CALN1: variants seen among roughly 807,000 people sequenced by gnomAD.
The protein encoded by CALN1 is calneuron 1, also known as calcium-binding protein 8.
In CALN1, 17 loss-of-function variants were observed where a neutral mutation model predicts 30.6. That is an observed-to-expected ratio of 0.56 (90% CI 0.38 to 0.83). CALN1 has a LOEUF of 0.83. Among genes scored for constraint, CALN1 ranks in the 40% least tolerant of loss-of-function variants. The probability of loss-of-function intolerance (pLI) is 0.00; values close to 1 mark genes in which losing one functional copy is unlikely to be tolerated. For missense variants in CALN1, 291 were observed against 354.9 expected, an observed-to-expected ratio of 0.82 and a Z score of 1.45; for synonymous variants, 156 against 131.4, an observed-to-expected ratio of 1.19 and a Z score of -1.28.
chr7:72,337,275 CTGG>C (rs1361975348), intron 2 of CALN1: 4 of 985,244 alleles, frequency 4.1e-6, no homozygotes, highest in Non-Finnish European at 4.8e-6. Context: ...AGCCGGGCTT[CTGG>C]GCTCGCCTTG....
chr7:72,372,804 C>G (rs1585605077), intron 2 of CALN1, among the ~76,000 whole-genome samples: 1 of 152,132 alleles, frequency 6.6e-6, no homozygotes, highest in Non-Finnish European at 1.5e-5. Flanking sequence ...TTATCCATGA[C>G]CCTGAATCAC....
chr7:71,831,762 C>A (rs1010916673), intron 5 of CALN1, among the ~76,000 whole-genome samples: 1 of 149,318 alleles, frequency 6.7e-6, no homozygotes, highest in South Asian at 2.1e-4. Flanking sequence ...TGTGGCAGCA[C>A]GCACCTGTAG....
In CALN1 at chr7:71,790,374, AAG is replaced by A. The variant is rs1220554263; in HGVS notation, c.659-2474_659-2473del. Among the ~76,000 whole-genome samples the A allele has an allele frequency of 7.9e-3, 355 of 44,918 alleles. 10 individuals are homozygous for A. The highest frequency in any genetic ancestry group is 0.024 in the African/African-American group (347 of 14,596). 29.5% of individuals were successfully genotyped at this position (44,918 alleles called of 152,430 possible). ...AAGAAAGAAAGAAAGAAAGAAAAGA[AAG>A]AAAGAAAGAAAGAAAGAAAGAAAGA... On this transcript the variant is annotated intron_variant, in intron 6 of 6. Coordinates refer to ENST00000395275, the MANE Select transcript of CALN1 (RefSeq NM_031468.4).
intron 5 of CALN1, among the ~76,000 whole-genome samples, chr7:71,883,807 A>G (rs1457782086): frequency 1.3e-5 from 2 of 152,118 alleles, no homozygotes; most frequent in African/African-American, 4.8e-5. Context: ...GGGTATTGGC[A>G]TGAGATTTAC....
intron 4 of CALN1, among the ~76,000 whole-genome samples, chr7:72,035,317 TTCTC>T (rs1696338040): frequency 6.6e-6 from 1 of 152,136 alleles, no homozygotes; most frequent in Admixed American, 6.5e-5. Context: ...CCATTCTACT[TTCTC>T]TCGGATTTTG....
At chr7:71,793,174 C>T (rs368873651) in intron 6 of CALN1, among the ~76,000 whole-genome samples, 2 of 151,976 alleles carry the variant, frequency 1.3e-5, no homozygotes, top group Non-Finnish European at 1.5e-5. Flanking sequence ...GGCATGGTGG[C>T]GGGCGCCTGT....
Position 72,143,011 on chromosome 7 carries a change from C to G in CALN1, c.245-36717G>C, listed in dbSNP as rs560822358. On this transcript the variant is annotated intron_variant, in intron 3 of 6. Coordinates refer to ENST00000395275, the MANE Select transcript of CALN1 (RefSeq NM_031468.4). ...ATCAAAGACCAAAGGTAGATAAAAC[C>G]ACAAAGATGGGGAAAAAACAGAGCA... 9.9e-5 allele frequency among the ~76,000 whole-genome samples: 15 copies of G among 152,206 alleles called. No individual in the cohort carries two copies. In the South Asian group the frequency reaches 3.1e-3, roughly 32 times the overall value.
chr7:72,139,406 G>GCACCTCAGCCACGCCCACCCTCTTCTACC (rs1809730919), intron 3 of CALN1, among the ~76,000 whole-genome samples: 6 of 140,330 alleles, frequency 4.3e-5, no homozygotes, highest in Non-Finnish European at 9.1e-5. Context: ...CCTCTTCTAA[G>GCACCTCAGCCACGCCCACCCTCTTCTACC]CACCTCAGCC....
intron 5 of CALN1, among the ~76,000 whole-genome samples, chr7:71,844,116 C>T (rs1176228148): frequency 6.6e-6 from 1 of 152,096 alleles, no homozygotes; most frequent in Admixed American, 6.6e-5. Context: ...TTCCTTTCTC[C>T]ATAGAGCAGG....
intron 1 of CALN1, among the ~76,000 whole-genome samples, chr7:72,439,394 T>C (rs1808275487): frequency 1.3e-5 from 2 of 152,152 alleles, no homozygotes; most frequent in African/African-American, 4.8e-5. Context: ...CTGGAAGCCT[T>C]ACTGATAACG....
intron 3 of CALN1, among the ~76,000 whole-genome samples, chr7:72,172,342 A>C (rs994499264): frequency 5.3e-5 from 8 of 152,164 alleles, no homozygotes. Context: ...TCACATTCAG[A>C]CCATTTGTAC....
At chr7:72,305,518 C>G (rs142859839) in intron 2 of CALN1, among the ~76,000 whole-genome samples, 2 of 152,284 alleles carry the variant, frequency 1.3e-5, no homozygotes, top group East Asian at 3.9e-4. Context: ...TGCTCAGACA[C>G]CTGTATCAAA....
intron 5 of CALN1, among the ~76,000 whole-genome samples, chr7:71,891,659 A>C (rs1181952818): frequency 1.3e-5 from 2 of 152,192 alleles, no homozygotes; most frequent in African/African-American, 4.8e-5. Context: ...AACAAGTGCT[A>C]TATGCCGGGC....
chr7:71,786,615 T>C lies in CALN1; in HGVS notation c.*1160A>G, dbSNP rs1792990632. ...GCAGAATCTGAAGGCCAGAAGATCT[T>C]ATGTGAAAATACAGTCGTTTGATCT... On this transcript the variant is annotated 3_prime_UTR_variant, in exon 7 of 7. Coordinates refer to ENST00000395275, the MANE Select transcript of CALN1 (RefSeq NM_031468.4). The C allele has an allele frequency of 6.6e-6, 1 of 152,236 alleles. No homozygotes were observed. Among genetic ancestry groups the C allele is most frequent in the African/African-American group, 2.4e-5 (1 of 41,462 alleles). The allele number at this position is 152,236 out of a possible 1,614,324, so 9.4% of individuals were successfully genotyped here.
intron 3 of CALN1, among the ~76,000 whole-genome samples, chr7:72,194,592 CTTTT>C (rs1181135798): frequency 1.7e-5 from 2 of 115,682 alleles, no homozygotes; most frequent in Middle Eastern, 4.2e-3. Context: ...TAACTGGCCT[CTTTT>C]TTTTTTTTTT....
intron 2 of CALN1, among the ~76,000 whole-genome samples, chr7:72,388,896 G>A (rs1421004560): frequency 6.6e-6 from 1 of 152,138 alleles, no homozygotes. Flanking sequence ...CAGGATTCCT[G>A]GTATCTGCCC....
At chr7:72,071,051 C>T (rs1306065274) in intron 4 of CALN1, among the ~76,000 whole-genome samples, 1 of 152,174 alleles carries the variant, frequency 6.6e-6, no homozygotes, top group Non-Finnish European at 1.5e-5. Flanking sequence ...TTTTGAAATT[C>T]CAGGCTATTG....
intron 2 of CALN1, among the ~76,000 whole-genome samples, chr7:72,361,961 T>G (rs1456815069): frequency 1.3e-5 from 2 of 152,148 alleles, no homozygotes; most frequent in Non-Finnish European, 2.9e-5. Flanking sequence ...CTTACGCAGT[T>G]TTATTCATAA....
the CALN1 span, among the ~76,000 whole-genome samples, chr7:72,489,499 C>G: frequency 6.6e-6 from 1 of 151,976 alleles, no homozygotes; most frequent in Admixed American, 6.6e-5. Context: ...AAGAGTGTCA[C>G]TCTATTAAAG....
Sources: gnomAD v4.1 joint callset for allele counts (sites outside exome capture counted in the v4.1 genomes callset) on GRCh38, gnomAD v4.1.1 for gene constraint, MANE v1.5 for transcripts, NCBI Gene and HGNC (gene_info 2026-07-23, HGNC 2026-07-21) for gene names.